Variants in PIWIL1 observed in about 807,000 individuals in gnomAD.
The protein encoded by PIWIL1 is piwi-like protein 1.
In PIWIL1, 73 loss-of-function variants were observed where a neutral mutation model predicts 114.4. The observed-to-expected ratio is 0.64, with a 90% CI of 0.53 to 0.78. The LOEUF (loss-of-function observed/expected upper bound fraction) is 0.78. Among genes scored for constraint, PIWIL1 ranks in the 30% least tolerant of loss-of-function variants. PIWIL1 has a pLI of 0.00. For missense variants in PIWIL1, 723 were observed against 1,063.1 expected, an observed-to-expected ratio of 0.68 and a Z score of 4.45; for synonymous variants, 375 against 369.0, an observed-to-expected ratio of 1.02 and a Z score of -0.19.
chr12:130,409,548 G>T, the PIWIL1 span, among the ~76,000 whole-genome samples: 1 of 151,976 alleles, frequency 6.6e-6, no homozygotes, highest in Non-Finnish European at 1.5e-5. Context: ...GTTTCACCGT[G>T]TTAGCCAGGA....
the PIWIL1 span, chr12:130,412,724 T>C: frequency 1.2e-6 from 2 of 1,613,836 alleles, no homozygotes; most frequent in Non-Finnish European, 1.7e-6. Flanking sequence ...TTACAAGGAA[T>C]AAGGCCAAGC....
chr12:130,368,653 G>A (rs1266424424), intron 19 of PIWIL1, among the ~76,000 whole-genome samples: 1 of 152,112 alleles, frequency 6.6e-6, no homozygotes, highest in African/African-American at 2.4e-5. Flanking sequence ...ATTCATTTCT[G>A]CAGGATTCTC....
At chr12:130,346,238 T>G (rs1456021737) in intron 4 of PIWIL1, 132 bp from the exon 5 acceptor site, 1 of 658,736 alleles carries the variant, frequency 1.5e-6, no homozygotes, top group Non-Finnish European at 2.6e-6. Context: ...GTCAGATGTC[T>G]GAGGACTTTC....
At chr12:130,368,613 C>A (rs2073734453) in intron 19 of PIWIL1, among the ~76,000 whole-genome samples, 1 of 152,088 alleles carries the variant, frequency 6.6e-6, no homozygotes, top group Non-Finnish European at 1.5e-5. Context: ...GCTAGAAAGA[C>A]AAAAGAAGGC....
rs7979067 is a variant in PIWIL1, at chr12:130,360,657, C to T, written c.1666-523C>T. Among the ~76,000 whole-genome samples the T allele has an allele frequency of 3.6e-4, 55 of 152,056 alleles. No individual in the cohort carries two copies. In the East Asian group the frequency reaches 9.5e-3, roughly 26 times the overall value. On this transcript the variant is annotated intron_variant, in intron 14 of 20. Transcript: ENST00000245255. ...TCAAAAACAAAACAAACCAAACTCC[C>T]GAAAGTTAAACTTGGATGCCCAGAA...
At chr12:130,350,450 G>C (rs891331692) in intron 9 of PIWIL1, among the ~76,000 whole-genome samples, 5 of 152,210 alleles carry the variant, frequency 3.3e-5, no homozygotes, top group South Asian at 2.1e-4. Context: ...AGGCTTGTTA[G>C]CACAGGCTAG....
At chr12:130,394,397 C>A in the PIWIL1 span, among the ~76,000 whole-genome samples, 2 of 152,194 alleles carry the variant, frequency 1.3e-5, no homozygotes, top group Non-Finnish European at 2.9e-5. Flanking sequence ...GGTATTTTTT[C>A]TTTACCCATA....
At chr12:130,389,495 A>T in the PIWIL1 span, among the ~76,000 whole-genome samples, 1 of 152,018 alleles carries the variant, frequency 6.6e-6, no homozygotes, top group Non-Finnish European at 1.5e-5. Context: ...TCAATTTTTT[A>T]TTAATCAGTG....
At chr12:130,408,145 G>A in the PIWIL1 span, among the ~76,000 whole-genome samples, 14 of 152,304 alleles carry the variant, frequency 9.2e-5, no homozygotes, top group African/African-American at 3.4e-4. Context: ...AAATTTAGAC[G>A]GCTTTGGCCA....
chr12:130,394,756 G>A, the PIWIL1 span, among the ~76,000 whole-genome samples: 1 of 144,216 alleles, frequency 6.9e-6, no homozygotes, highest in Non-Finnish European at 1.6e-5. Context: ...GGAGTTTTGT[G>A]TTCTAGTTTA....
the PIWIL1 span, among the ~76,000 whole-genome samples, chr12:130,392,696 A>C: frequency 3.5e-5 from 4 of 114,500 alleles, no homozygotes; most frequent in African/African-American, 1.1e-4. Flanking sequence ...TTACCTGGTG[A>C]ATATTGAATG....
chr12:130,402,183 C>T, the PIWIL1 span, among the ~76,000 whole-genome samples: 2 of 152,266 alleles, frequency 1.3e-5, no homozygotes, highest in Non-Finnish European at 2.9e-5. Context: ...GACTTGCTCG[C>T]GGTGTGAATA....
At chr12:130,411,273 A>C in the PIWIL1 span, among the ~76,000 whole-genome samples, 1 of 152,276 alleles carries the variant, frequency 6.6e-6, no homozygotes, top group African/African-American at 2.4e-5. Context: ...AGATTTTCTA[A>C]GTAGATTTCC....
chr12:130,361,774 C>G (rs1459271447), intron 16 of PIWIL1, among the ~76,000 whole-genome samples, 173 bp downstream of exon 16: 1 of 152,144 alleles, frequency 6.6e-6, no homozygotes, highest in Non-Finnish European at 1.5e-5. Flanking sequence ...GACTTTCATC[C>G]TGTATTCGTC....
chr12:130,421,259 G>A, the PIWIL1 span, among the ~76,000 whole-genome samples: 70 of 152,366 alleles, frequency 4.6e-4, 2 homozygotes, highest in South Asian at 0.014. Context: ...CACTAACCCT[G>A]CTAGCTGATC....
At chr12:130,424,651 T>C in the PIWIL1 span, 14 of 1,231,534 alleles carry the variant, frequency 1.1e-5, no homozygotes, top group Non-Finnish European at 1.4e-5. The surrounding 1 kb of genome is among the most constrained non-coding windows in gnomAD (Gnocchi z 9.8). Flanking sequence ...TCGTCGCCCC[T>C]GTAGGGCCTG....
chr12:130,378,088 TG>T, the PIWIL1 span, among the ~76,000 whole-genome samples: 1 of 152,260 alleles, frequency 6.6e-6, no homozygotes, highest in Admixed American at 6.5e-5. Flanking sequence ...TCTATACCTC[TG>T]GATCTACTGC....
chr12:130,357,654 A>G, intron 14 of PIWIL1, 101 bp downstream of exon 14: 3 of 734,118 alleles, frequency 4.1e-6, no homozygotes, highest in Non-Finnish European at 7.2e-6. Context: ...TCAAATGTTA[A>G]TAGGTTCTCA....
chr12:130,407,453 G>T, the PIWIL1 span, among the ~76,000 whole-genome samples: 4 of 152,194 alleles, frequency 2.6e-5, no homozygotes, highest in African/African-American at 9.7e-5. Context: ...CATTAGATGT[G>T]GATGACAGAT....
Sources: gnomAD v4.1 joint callset for allele counts (sites outside exome capture counted in the v4.1 genomes callset) on GRCh38, gnomAD v4.1.1 for gene constraint, Gnocchi (gnomAD v3.1) non-coding constraint, MANE v1.5 for transcripts, NCBI Gene and HGNC (gene_info 2026-07-23, HGNC 2026-07-21) for gene names.